Variants in NOVA2 observed in about 807,000 individuals in gnomAD.
The protein encoded by NOVA2 is NOVA alternative splicing regulator 2.
Under a neutral mutation model 22.5 loss-of-function variants are expected in NOVA2, and 9 were observed. The ratio of observed to expected loss-of-function variants is 0.40; its 90% CI spans 0.24 to 0.70. NOVA2 has a LOEUF of 0.70. Ranked by LOEUF, NOVA2 falls within the 30% of genes least tolerant of loss-of-function variation. NOVA2 has a pLI of 0.38. For synonymous variants in NOVA2, 318 were observed against 335.2 expected, an observed-to-expected ratio of 0.95 and a Z score of 0.56; for missense variants, 383 against 682.8, an observed-to-expected ratio of 0.56 and a Z score of 4.89.
intron 1 of NOVA2, 74 bp downstream of exon 1, chr19:45,973,193 G>T: frequency 1.3e-6 from 1 of 743,774 alleles, no homozygotes. Context: ...ACCTGCCACG[G>T]GAGGGGGGGA....
In NOVA2 at chr19:45,940,815, T is replaced by C; in HGVS notation, c.527A>G (p.Gln176Arg). 1 of 1,606,290 alleles carries C rather than the reference T, an allele frequency of 6.2e-7. No homozygotes were observed. Among genetic ancestry groups the C allele is most frequent in the Non-Finnish European group, 8.5e-7 (1 of 1,179,914 alleles). Residue 176 changes from glutamine to arginine, a missense_variant, in exon 4 of 4, where the codon CAG (glutamine) becomes CGG (arginine). Physicochemically the swap from Gln to Arg is conservative, Grantham distance 43. Transcript: ENST00000263257. ...LSQKPEGINL[Q>R]ERVVTVSGEP... is the part of the protein sequence containing the mutation. ...GCCGCTGACCGTCACCACGCGCTCC[T>C]GCAGGTTGATGCCCTCCGGCTTCTG...
chr19:45,946,915 C>T (rs77601304), intron 3 of NOVA2, among the ~76,000 whole-genome samples: 10,061 of 151,364 alleles, frequency 0.066, 868 homozygotes, highest in African/African-American at 0.18. Flanking sequence ...TGTGTGTGCG[C>T]ACGCGCATGT....
chr19:45,960,987 C>G, intron 2 of NOVA2, 23 bp downstream of exon 2: 1 of 1,564,580 alleles, frequency 6.4e-7, no homozygotes, highest in Non-Finnish European at 8.7e-7. Context: ...GGGCCTAGGG[C>G]AGAGACCTGG....
Position 45,940,185 on chromosome 19 carries a change from G to C in NOVA2, c.1157C>G (p.Ala386Gly). 1 of 1,575,340 alleles carries C rather than the reference G, an allele frequency of 6.3e-7. No homozygotes were observed. The highest frequency in any genetic ancestry group is 8.6e-7 in the Non-Finnish European group (1 of 1,167,148). ...GGGGPLVAAA[A>G]AAGAAGGFLT... ...GAAGCCCCCGGCCGCCCCGGCCGCG[G>C]CTGCAGCGGCCACCAGCGGGCCGCC... The change falls in exon 4 of 4, where the codon GCC becomes GGC. Residue 386 changes from alanine to glycine, a missense_variant. Around this residue, in one of 2 missense-constraint regions of NOVA2, gnomAD observed 349 missense variants for 578.1 expected, o/e 0.60. Transcript: ENST00000263257.
chr19:45,954,044 C>A (rs1967966964), intron 2 of NOVA2, 98 bp from the exon 3 acceptor site: 21 of 1,360,762 alleles, frequency 1.5e-5, no homozygotes, highest in Non-Finnish European at 2.2e-5. Context: ...AGCTGAGGTC[C>A]AGAGAGTGGA....
intron 2 of NOVA2, among the ~76,000 whole-genome samples, chr19:45,958,786 C>T (rs1968052944): frequency 2.0e-5 from 3 of 152,160 alleles, no homozygotes; most frequent in South Asian, 2.1e-4. Flanking sequence ...CAGCAGCCTC[C>T]GAGTATGCCA....
intron 2 of NOVA2, among the ~76,000 whole-genome samples, chr19:45,955,411 G>C (rs1431639122): frequency 3.9e-5 from 6 of 152,212 alleles, no homozygotes; most frequent in Non-Finnish European, 8.8e-5. Flanking sequence ...TTGTGTATGT[G>C]TGTGTCTGAA....
intron 1 of NOVA2, among the ~76,000 whole-genome samples, chr19:45,963,826 G>A (rs1177342511): frequency 6.6e-6 from 1 of 151,846 alleles, no homozygotes; most frequent in South Asian, 2.1e-4. Flanking sequence ...CACCGCGCCC[G>A]GGCCCCCTCA....
In NOVA2 at chr19:45,940,761, C is replaced by G. The variant is rs752205270; in HGVS notation, c.581G>C (p.Ser194Thr). 6 of 1,609,266 alleles carry G rather than the reference C, an allele frequency of 3.7e-6. No homozygotes were observed. The South Asian group carries it at 6.6e-5, about 18-fold the overall frequency. ...GEPEQVHKAV[S>T]AIVQKVQEDP... is the part of the protein sequence containing the mutation. ...TTCTTGTACCTTCTGCACGATGGCG[C>G]TCACGGCCTTGTGCACCTGCTCGGG... The change falls in exon 4 of 4, where the codon AGC becomes ACC. Residue 194 changes from serine (S) to threonine (T), a missense_variant. Ser to Thr is a moderately conservative substitution (Grantham distance 58). Around this residue, in one of 2 missense-constraint regions of NOVA2, gnomAD observed 349 missense variants for 578.1 expected, o/e 0.60. Transcript: ENST00000263257.
intron 1 of NOVA2, 45 bp downstream of exon 1, chr19:45,973,222 G>T: frequency 1.7e-6 from 2 of 1,185,358 alleles, no homozygotes; most frequent in South Asian, 1.6e-5. Context: ...AGAAAGGCGA[G>T]GCCCCCTGCC....
chr19:45,970,402 G>A (rs1453613632), intron 1 of NOVA2, among the ~76,000 whole-genome samples: 8 of 148,168 alleles, frequency 5.4e-5, no homozygotes, highest in East Asian at 2.0e-4. Flanking sequence ...TTGAGATGGC[G>A]TTTCGCTCTG....
At chr19:45,959,974 C>A (rs139229030) in intron 2 of NOVA2, among the ~76,000 whole-genome samples, 2 of 152,004 alleles carry the variant, frequency 1.3e-5, no homozygotes, top group East Asian at 3.9e-4. Context: ...GGAGGCCTTC[C>A]CTGGAGTCCT....
intron 3 of NOVA2, among the ~76,000 whole-genome samples, chr19:45,947,620 C>T (rs1407383538): frequency 6.6e-6 from 1 of 151,862 alleles, no homozygotes; most frequent in South Asian, 2.1e-4. Context: ...ATTACAGGCA[C>T]CCACCACCAC....
chr19:45,953,587 G>A (rs1967959427), intron 3 of NOVA2, among the ~76,000 whole-genome samples, 193 bp downstream of exon 3: 1 of 152,324 alleles, frequency 6.6e-6, no homozygotes, highest in Non-Finnish European at 1.5e-5. Flanking sequence ...CACTCTAAAT[G>A]TTCTGGAGTC....
intron 3 of NOVA2, among the ~76,000 whole-genome samples, chr19:45,943,520 C>T (rs1333144638): frequency 1.3e-5 from 2 of 151,154 alleles, no homozygotes; most frequent in Non-Finnish European, 3.0e-5. Flanking sequence ...TGTAGACCTG[C>T]CTGGGTAACA....
rs965897508 is a variant in NOVA2 at position 45,939,637 on chromosome 19, G to A, written c.*226C>T. Reference sequence around the variant, plus strand: ...CAGCCAAGCACAGGGAGGGAGGAAGGAGGGGTCAGTTCCGGGCTGGGGAGG... The same window carrying A: ...CAGCCAAGCACAGGGAGGGAGGAAGAAGGGGTCAGTTCCGGGCTGGGGAGG... On this transcript the variant is annotated 3_prime_UTR_variant, in exon 4 of 4. Transcript: ENST00000263257. 6.9e-6 allele frequency: 4 copies of A among 582,424 alleles called. No homozygotes were observed. Among genetic ancestry groups the A allele is most frequent in the African/African-American group, 3.7e-5 (2 of 53,576 alleles). The allele number at this position is 582,424 out of a possible 1,614,324, so 36.1% of individuals were successfully genotyped here. A position where few individuals can be genotyped will look rare whatever the true frequency, so the allele number is the denominator to read the frequency against.
At chr19:45,967,291 T>C (rs1175264209) in intron 1 of NOVA2, 1 of 152,192 alleles carries the variant, frequency 6.6e-6, no homozygotes, top group Non-Finnish European at 1.5e-5. Context: ...AGGTCTCTAT[T>C]GACCAGCCTT....
At chr19:45,965,960 C>A (rs1030937700) in intron 1 of NOVA2, among the ~76,000 whole-genome samples, 1 of 152,180 alleles carries the variant, frequency 6.6e-6, no homozygotes, top group African/African-American at 2.4e-5. Context: ...ATCAGCATTG[C>A]CTACACCATG....
intron 2 of NOVA2, among the ~76,000 whole-genome samples, chr19:45,959,677 G>T (rs1482939194): frequency 6.6e-6 from 1 of 151,620 alleles, no homozygotes; most frequent in Non-Finnish European, 1.5e-5. Flanking sequence ...ATGGGAGGCT[G>T]GGGGCGGGGT....
Sources: allele counts gnomAD v4.1 joint callset (sites outside exome capture counted in the v4.1 genomes callset), GRCh38; gene constraint gnomAD v4.1.1; regional missense constraint gnomAD v4.1.1; transcripts MANE v1.5; gene names NCBI Gene and HGNC (gene_info 2026-07-23, HGNC 2026-07-21).